FAM111A: variants seen among roughly 807,000 people sequenced by gnomAD.
FAM111A encodes the protein FAM111 trypsin like peptidase A, also known as serine protease FAM111A.
FAM111A carries 8 observed loss-of-function variants against 3.3 expected under a neutral mutation model. The observed-to-expected ratio is 2.39, with a 90% confidence interval of 1.40 to 4.32. FAM111A has a LOEUF of 4.32. Among genes scored for constraint, FAM111A ranks in the 30% most tolerant of loss-of-function variants. The pLI, the probability that FAM111A is intolerant of heterozygous loss-of-function variation, is 0.00. For missense variants in FAM111A, 683 were observed against 727.6 expected (o/e 0.94, Z 0.71); for synonymous variants, 227 against 243.1 (o/e 0.93, Z 0.62).
In FAM111A at chr11:59,152,837, T is replaced by C. The variant is rs773452362; in HGVS notation, c.1169T>C (p.Ile390Thr). The C allele has an allele frequency of 4.3e-6, 7 of 1,614,046 alleles. No individual in the cohort carries two copies. In the South Asian group the frequency reaches 5.5e-5, roughly 13 times the overall value. ...ILTCRHVIDS[I>T]VGDGIEPSKW... ...ACTTGTCGGCATGTAATAGATAGCATTGTGGGAGACGGAATAGAGCCAAGT... is the reference window on the plus strand; with the variant it reads ...ACTTGTCGGCATGTAATAGATAGCACTGTGGGAGACGGAATAGAGCCAAGT... Residue 390 changes from isoleucine to threonine, a missense_variant, in exon 6 of 6, where the codon ATT becomes ACT. Ile to Thr is a moderately conservative substitution (Grantham distance 89, BLOSUM62 -1). This residue lies in a region of FAM111A where 557 missense variants were observed against 600.2 expected (regional missense o/e 0.93). Coordinates refer to ENST00000675163, the MANE Select transcript of FAM111A (RefSeq NM_001312909.2).
rs771387783 is a variant in FAM111A at position 59,152,453 on chromosome 11, G to T, written c.785G>T (p.Arg262Ile). Residue 262 changes from arginine (R) to isoleucine (I), a missense_variant, in exon 6 of 6, where the codon AGA becomes ATA. Arg to Ile is a moderately conservative substitution (Grantham distance 97). Around this residue, in one of 3 missense-constraint regions of FAM111A, gnomAD observed 557 missense variants for 600.2 expected, o/e 0.93. Coordinates refer to ENST00000675163, the MANE Select transcript of FAM111A (RefSeq NM_001312909.2). ...STQPVDELEG[R>I]YFQVEVEKRM... ...CAGCCAGTTGATGAATTAGAAGGCA[G>T]ATACTTTCAGGTTGAGGTTGAGAAA... is the stretch of plus-strand genomic sequence containing the variant. 74 of 1,614,114 alleles carry T rather than the reference G, an allele frequency of 4.6e-5. No individual in the cohort carries two copies. Among genetic ancestry groups the T allele is most frequent in the Non-Finnish European group, 6.2e-5 (73 of 1,180,026 alleles).
At chr11:59,147,639 C>T (rs1244139455) in intron 4 of FAM111A, among the ~76,000 whole-genome samples, 1 of 152,042 alleles carries the variant, frequency 6.6e-6, no homozygotes, top group Non-Finnish European at 1.5e-5. Flanking sequence ...GGATAAAGAC[C>T]CCGTGAACAA....
intron 5 of FAM111A, among the ~76,000 whole-genome samples, chr11:59,150,621 G>A (rs1181315084): frequency 1.3e-5 from 2 of 151,850 alleles, no homozygotes; most frequent in Non-Finnish European, 2.9e-5. Context: ...CTCCACCCCC[G>A]TTTCTTAAGA....
rs1427767235 is a variant in FAM111A, at chr11:59,153,585, A to C, written c.*81A>C. 22 of 1,024,750 alleles carry C rather than the reference A, an allele frequency of 2.1e-5. No individual in the cohort carries two copies. The highest frequency in any genetic ancestry group is 2.3e-5 in the Non-Finnish European group (16 of 697,008). The allele number at this position is 1,024,750 out of a possible 1,614,324, so 63.5% of individuals were successfully genotyped here. A position where few individuals can be genotyped will look rare whatever the true frequency, so the allele number is the denominator to read the frequency against. The stretch of plus-strand genomic sequence containing the variant: ...ATTGAAAATGGTTTTCTAAACTCCA[A>C]AATGGTCATCTTATCAATAATAATA... On this transcript the variant is annotated 3_prime_UTR_variant, in exon 6 of 6. Coordinates refer to ENST00000675163, the MANE Select transcript of FAM111A (RefSeq NM_001312909.2).
rs756069452 is a variant in FAM111A at position 59,153,391 on chromosome 11, G to A, written c.1723G>A (p.Gly575Ser). 6.2e-7 allele frequency: 1 copy of A among 1,614,080 alleles called. No homozygotes were observed. Among genetic ancestry groups the A allele is most frequent in the East Asian group, 2.2e-5 (1 of 44,886 alleles). Reference sequence around the variant, plus strand: ...TGAGACTCGTAGTATCATTGAGTTTGGCTCTACCATGGAATCCATCCTCCT... The same window carrying A: ...TGAGACTCGTAGTATCATTGAGTTTAGCTCTACCATGGAATCCATCCTCCT... ...QNETRSIIEFGSTMESILLDI... is the reference protein window; with the variant it reads ...QNETRSIIEFSSTMESILLDI... The change falls in exon 6 of 6, where the codon GGC (glycine) becomes AGC (serine). Residue 575 changes from glycine (G) to serine (S), a missense_variant. This residue lies in a region of FAM111A where 122 missense variants were observed against 110.9 expected (regional missense o/e 1.10). Coordinates refer to ENST00000675163, the MANE Select transcript of FAM111A (RefSeq NM_001312909.2).
rs1861787316 is a variant in FAM111A at position 59,152,327 on chromosome 11, C to G, written c.659C>G (p.Thr220Ser). The change falls in exon 6 of 6, where the codon ACC becomes AGC. Residue 220 changes from threonine to serine, a missense_variant. Thr to Ser is a moderately conservative substitution (Grantham distance 58, BLOSUM62 1). This residue lies in a region of FAM111A where 557 missense variants were observed against 600.2 expected (regional missense o/e 0.93). Coordinates refer to ENST00000675163, the MANE Select transcript of FAM111A (RefSeq NM_001312909.2). ...KLCVYAFKGE[T>S]IKDALCKDGR... is the part of the protein sequence containing the mutation. ...TGTGTTTATGCTTTCAAAGGAGAAA[C>G]CATCAAGGATGCACTGTGCAAGGAT... is the stretch of plus-strand genomic sequence containing the variant. 6.2e-7 allele frequency: 1 copy of G among 1,614,110 alleles called. No individual in the cohort carries two copies. The highest frequency in any genetic ancestry group is 2.2e-5 in the East Asian group (1 of 44,886).
Position 59,143,647 on chromosome 11 carries a change from C to A in FAM111A, c.-155C>A, listed in dbSNP as rs573990054. The A allele has an allele frequency of 3.3e-5, 5 of 152,350 alleles. No homozygotes were observed. Among genetic ancestry groups the A allele is most frequent in the African/African-American group, 1.2e-4 (5 of 41,582 alleles). The allele number at this position is 152,350 out of a possible 1,614,324, so 9.4% of individuals were successfully genotyped here. On this transcript the variant is annotated 5_prime_UTR_variant, in exon 3 of 6. Coordinates refer to ENST00000675163, the MANE Select transcript of FAM111A (RefSeq NM_001312909.2). ...CAAGTGCGTTTTCCCAACTACGCTTCTTTCCAGGATAAAATACTCTAAGTG... is the reference window on the plus strand; with the variant it reads ...CAAGTGCGTTTTCCCAACTACGCTTATTTCCAGGATAAAATACTCTAAGTG...
chr11:59,145,494 T>C (rs1860739330), intron 3 of FAM111A: 1 of 152,228 alleles, frequency 6.6e-6, no homozygotes, highest in Admixed American at 6.5e-5. Context: ...TATTTTGATA[T>C]AATCTGATTT....
intron 3 of FAM111A, chr11:59,144,674 T>C (rs11229841): frequency 0.047 from 7,158 of 152,358 alleles, 449 homozygotes; most frequent in East Asian, 0.15. Context: ...ACGCTGTAGC[T>C]ACCTGAGGTT....
At chr11:59,144,958 C>G (rs1336257780) in intron 3 of FAM111A, 1 of 152,626 alleles carries the variant, frequency 6.6e-6, no homozygotes, top group African/African-American at 2.4e-5. Context: ...GCGGCCGCGG[C>G]GGGCTCGAGT....
intron 2 of FAM111A, 53 bp from the exon 3 acceptor site, chr11:59,143,444 C>T (rs898077328): frequency 2.0e-5 from 3 of 152,160 alleles, no homozygotes; most frequent in African/African-American, 7.2e-5. Context: ...TGACGCTCTC[C>T]CTGGAAACTT....
intron 5 of FAM111A, among the ~76,000 whole-genome samples, chr11:59,149,345 A>G (rs1205606811): frequency 6.6e-6 from 1 of 152,136 alleles, no homozygotes; most frequent in Non-Finnish European, 1.5e-5. Context: ...AGACTTACCT[A>G]TCCTTGGCAT....
rs144962024 is a variant in FAM111A, at chr11:59,152,848, G to C, written c.1180G>C (p.Gly394Arg). 41 of 1,614,122 alleles carry C rather than the reference G, an allele frequency of 2.5e-5. No homozygotes were observed. The highest frequency in any genetic ancestry group is 3.5e-5 in the Non-Finnish European group (41 of 1,180,024). ...TGTAATAGATAGCATTGTGGGAGAC[G>C]GAATAGAGCCAAGTAAGTGGGCAAC... ...RHVIDSIVGDGIEPSKWATII... is the reference protein window; with the variant it reads ...RHVIDSIVGDRIEPSKWATII... Residue 394 changes from glycine to arginine, a missense_variant, in exon 6 of 6, where the codon GGA (glycine) becomes CGA (arginine). Gly to Arg is a moderately radical substitution (Grantham distance 125). Around this residue, in one of 3 missense-constraint regions of FAM111A, gnomAD observed 557 missense variants for 600.2 expected, o/e 0.93. Coordinates refer to ENST00000675163, the MANE Select transcript of FAM111A (RefSeq NM_001312909.2).
chr11:59,153,701 A>T lies in FAM111A; in HGVS notation c.*197A>T. 2.2e-6 allele frequency: 1 copy of T among 452,070 alleles called. No homozygotes were observed. Among genetic ancestry groups the T allele is most frequent in the South Asian group, 3.5e-5 (1 of 28,464 alleles). The allele number at this position is 452,070 out of a possible 1,614,324, so 28.0% of individuals were successfully genotyped here. ...CTATGAGATGGACTATAACTTGCCC[A>T]AATTTTTTTTTTTTTTTTGAGACTG... On this transcript the variant is annotated 3_prime_UTR_variant, in exon 6 of 6. Coordinates refer to ENST00000675163, the MANE Select transcript of FAM111A (RefSeq NM_001312909.2).
At position 59,143,670 on chromosome 11, in the gene FAM111A, G is replaced by A. The variant is rs1860454327; in HGVS notation, c.-132G>A. On this transcript the variant is annotated 5_prime_UTR_variant, in exon 3 of 6. It adds an upstream start codon to the 5' untranslated region. Transcript: ENST00000675163. ...TTCTTTCCAGGATAAAATACTCTAA[G>A]TGACAAATGTTGAGTACATTATCAG... The A allele has an allele frequency of 6.6e-6, 1 of 152,206 alleles. No individual in the cohort carries two copies. The highest frequency in any genetic ancestry group is 2.1e-4 in the South Asian group (1 of 4,834). The allele number at this position is 152,206 out of a possible 1,614,324, so 9.4% of individuals were successfully genotyped here. A position where few individuals can be genotyped will look rare whatever the true frequency, so the allele number is the denominator to read the frequency against.
chr11:59,146,009 T>C (rs1288468207), intron 4 of FAM111A, among the ~76,000 whole-genome samples, 153 bp downstream of exon 4: 1 of 151,668 alleles, frequency 6.6e-6, no homozygotes, highest in East Asian at 1.9e-4. Flanking sequence ...TATATATAGA[T>C]AGATTGCATA....
chr11:59,153,331 A>T lies in FAM111A; in HGVS notation c.1663A>T (p.Met555Leu), dbSNP rs1861959894. 1 of 1,614,092 alleles carries T rather than the reference A, an allele frequency of 6.2e-7. No homozygotes were observed. The highest frequency in any genetic ancestry group is 8.5e-7 in the Non-Finnish European group (1 of 1,180,048). The change falls in exon 6 of 6, where the codon ATG (methionine) becomes TTG (leucine). Residue 555 changes from methionine (M) to leucine (L), a missense_variant. By Grantham distance (15) the Met-to-Leu change is conservative. Around this residue, in one of 3 missense-constraint regions of FAM111A, gnomAD observed 122 missense variants for 110.9 expected, o/e 1.10. Transcript: ENST00000675163. ...VFDSKGSLVA[M>L]HAAGFAYTYQ... is the part of the protein sequence containing the mutation. Reference sequence around the variant, plus strand: ...TGATTCAAAAGGTTCATTGGTGGCCATGCATGCTGCTGGCTTTGCTTATAC... The same window carrying T: ...TGATTCAAAAGGTTCATTGGTGGCCTTGCATGCTGCTGGCTTTGCTTATAC...
chr11:59,147,962 C>T lies in FAM111A; in HGVS notation c.-76-835C>T, dbSNP rs561076620. Among the ~76,000 whole-genome samples the T allele has an allele frequency of 1.1e-3, 170 of 152,310 alleles. 2 individuals carry two copies. The highest frequency in any genetic ancestry group is 4.0e-3 in the African/African-American group (167 of 41,562). ...AAAGCACTTAGAACAGGGCATAGTA[C>T]ACCATATGCCTACTCCATTCGTTTA... On this transcript the variant is annotated intron_variant, in intron 4 of 5. Coordinates refer to ENST00000675163, the MANE Select transcript of FAM111A (RefSeq NM_001312909.2).
At position 59,152,819 on chromosome 11, in the gene FAM111A, G is replaced by T. The variant is rs781634622; in HGVS notation, c.1151G>T (p.Arg384Leu). The change falls in exon 6 of 6, where the codon CGG becomes CTG. Residue 384 changes from arginine (R) to leucine (L), a missense_variant. Coordinates refer to ENST00000675163, the MANE Select transcript of FAM111A (RefSeq NM_001312909.2). ...AAAGGATTGTTCATTTTAACTTGTC[G>T]GCATGTAATAGATAGCATTGTGGGA... is the stretch of plus-strand genomic sequence containing the variant. ...VFKGLFILTC[R>L]HVIDSIVGDG... 10 of 1,613,978 alleles carry T rather than the reference G, an allele frequency of 6.2e-6. No individual in the cohort carries two copies. Among genetic ancestry groups the T allele is most frequent in the Non-Finnish European group, 8.5e-6 (10 of 1,180,016 alleles).
Sources: gnomAD v4.1 joint callset for allele counts (sites outside exome capture counted in the v4.1 genomes callset) on GRCh38, gnomAD v4.1.1 for gene constraint, gnomAD v4.1.1 regional missense constraint, MANE v1.5 for transcripts, NCBI Gene and HGNC (gene_info 2026-07-23, HGNC 2026-07-21) for gene names.